Variants in FIP1L1 observed in about 807,000 individuals in gnomAD.
FIP1L1 encodes the protein factor interacting with PAPOLA and CPSF1.
Under a neutral mutation model 84.6 loss-of-function variants are expected in FIP1L1, and 21 were observed. The ratio of observed to expected loss-of-function variants is 0.25; its 90% CI spans 0.18 to 0.36. The LOEUF is 0.36. Among genes scored for constraint, FIP1L1 ranks in the 10% least tolerant of loss-of-function variants. The pLI, the probability that FIP1L1 is intolerant of heterozygous loss-of-function variation, is 1.00. For synonymous variants in FIP1L1, 263 were observed against 242.3 expected (o/e 1.09, Z -0.80); for missense variants, 526 against 751.1 (o/e 0.70, Z 3.50).
chr4:53,442,680 C>CTGG lies in FIP1L1; in HGVS notation c.1203_1204insGGT (p.Pro401_Pro402insGly), dbSNP rs1189653150. 2 of 1,605,820 alleles carry CTGG rather than the reference C, an allele frequency of 1.2e-6. No homozygotes were observed. Among genetic ancestry groups the CTGG allele is most frequent in the Non-Finnish European group, 1.7e-6 (2 of 1,172,858 alleles). ...TTTCCTCCTCCACCAGGCGCTCCAC[C>CTGG]TCCATCTCTTATACCAACAATAGAA... On this transcript the variant is annotated inframe_insertion, in exon 14 of 18. Coordinates refer to ENST00000337488, the MANE Select transcript of FIP1L1 (RefSeq NM_030917.4).
At position 53,459,869 on chromosome 4, in the gene FIP1L1, A is replaced by AGTC. The variant is rs762551077; in HGVS notation, c.*421_*423dup. 4.6e-5 allele frequency: 11 copies of AGTC among 238,272 alleles called. No homozygotes were observed. Among genetic ancestry groups the AGTC allele is most frequent in the African/African-American group, 1.1e-4 (5 of 44,920 alleles). 14.8% of individuals were successfully genotyped at this position (238,272 alleles called of 1,614,324 possible). ...CCCTCTAAGGCTTGAGATTAAAACT[A>AGTC]GTCTTTATCATTACTGCTGTGACAC... On this transcript the variant is annotated 3_prime_UTR_variant, in exon 18 of 18. Transcript: ENST00000337488.
At chr4:53,392,224 T>TTATATTGAA (rs1167801650) in intron 9 of FIP1L1, among the ~76,000 whole-genome samples, 1 of 152,242 alleles carries the variant, frequency 6.6e-6, no homozygotes, top group Non-Finnish European at 1.5e-5. Context: ...TAGTTGACTC[T>TTATATTGAA]TATATTGAAT....
rs186151086 is a variant in FIP1L1, at chr4:53,409,725, C to T, written c.816-4890C>T. Among the ~76,000 whole-genome samples, 28 of 152,352 alleles carry T rather than the reference C, an allele frequency of 1.8e-4. No individual in the cohort carries two copies. In the East Asian group the frequency reaches 4.4e-3, roughly 24 times the overall value. ...GCCCCTCCCCCAGCCTCGCTGCCAC[C>T]TGGCAGTTTGATCTCAGACTGCTGT... On this transcript the variant is annotated intron_variant, in intron 10 of 17. Transcript: ENST00000337488.
At chr4:53,401,680 C>A (rs1750342706) in intron 10 of FIP1L1, among the ~76,000 whole-genome samples, 1 of 152,022 alleles carries the variant, frequency 6.6e-6, no homozygotes, top group South Asian at 2.1e-4. Context: ...ATCAACTGAA[C>A]CAGAATGATG....
intron 3 of FIP1L1, among the ~76,000 whole-genome samples, chr4:53,380,714 T>C (rs1464790366): frequency 6.6e-6 from 1 of 152,230 alleles, no homozygotes; most frequent in East Asian, 1.9e-4. Flanking sequence ...TGTTATTTCA[T>C]TTTAAAATTT....
chr4:53,394,089 T>C (rs1745974035), intron 9 of FIP1L1, among the ~76,000 whole-genome samples: 2 of 152,138 alleles, frequency 1.3e-5, no homozygotes, highest in South Asian at 4.1e-4. Context: ...GTTGTTAATT[T>C]CCAAGAAAAT....
intron 10 of FIP1L1, among the ~76,000 whole-genome samples, chr4:53,412,037 A>C (rs1757469596): frequency 6.6e-6 from 1 of 152,144 alleles, no homozygotes; most frequent in South Asian, 2.1e-4. Flanking sequence ...GTCATTGAAA[A>C]AAATAAAGTT....
intron 10 of FIP1L1, among the ~76,000 whole-genome samples, chr4:53,405,277 A>G (rs988670451): frequency 1.3e-5 from 2 of 151,970 alleles, no homozygotes; most frequent in Non-Finnish European, 2.9e-5. Context: ...TCCTTTCCCC[A>G]TTGCTTGTTT....
At chr4:53,396,703 C>A (rs1362139419) in intron 9 of FIP1L1, among the ~76,000 whole-genome samples, 1 of 152,206 alleles carries the variant, frequency 6.6e-6, no homozygotes, top group Non-Finnish European at 1.5e-5. Flanking sequence ...CACGCCCAGC[C>A]TACAATTAGA....
chr4:53,450,558 G>A (rs1775957819), intron 15 of FIP1L1, among the ~76,000 whole-genome samples: 1 of 152,114 alleles, frequency 6.6e-6, no homozygotes, highest in African/African-American at 2.4e-5. Flanking sequence ...GGTGGCCTGC[G>A]CCTGTAATCC....
chr4:53,450,156 T>G (rs1280526161), intron 15 of FIP1L1, among the ~76,000 whole-genome samples: 1 of 152,188 alleles, frequency 6.6e-6, no homozygotes, highest in Non-Finnish European at 1.5e-5. Flanking sequence ...CATTAATTTT[T>G]ATTCTTTTCT....
intron 13 of FIP1L1, among the ~76,000 whole-genome samples, chr4:53,433,092 A>T (rs1403513425): frequency 6.6e-6 from 1 of 152,222 alleles, no homozygotes; most frequent in East Asian, 1.9e-4. Flanking sequence ...AACTGGAAGT[A>T]TTAATGTTAT....
At chr4:53,421,690 G>C (rs1185489590) in intron 11 of FIP1L1, among the ~76,000 whole-genome samples, 2 of 152,166 alleles carry the variant, frequency 1.3e-5, no homozygotes, top group Non-Finnish European at 2.9e-5. Flanking sequence ...CCTTCTGTGA[G>C]AAAACATTCA....
At position 53,451,230 on chromosome 4, in the gene FIP1L1, C is replaced by G. The variant is rs868764853; in HGVS notation, c.1286-1690C>G. Among the ~76,000 whole-genome samples, 8 of 151,980 alleles carry G rather than the reference C, an allele frequency of 5.3e-5. 1 individual carries two copies. In the Middle Eastern group the frequency reaches 0.01, roughly 195 times the overall value. ...AGGCAATCCGCCCACCTCTGCCTCC[C>G]AAAGTCCTGGGATTATAGGCATGAA... On this transcript the variant is annotated intron_variant, in intron 15 of 17. Transcript: ENST00000337488.
At chr4:53,452,228 A>T (rs1263947919) in intron 15 of FIP1L1, among the ~76,000 whole-genome samples, 1 of 151,672 alleles carries the variant, frequency 6.6e-6, no homozygotes, top group Admixed American at 6.6e-5. Flanking sequence ...AGTTTTGCTT[A>T]TTTTTTTGTT....
At chr4:53,422,146 A>G (rs1054762672) in intron 11 of FIP1L1, among the ~76,000 whole-genome samples, 18 of 152,158 alleles carry the variant, frequency 1.2e-4, no homozygotes, top group African/African-American at 4.1e-4. Flanking sequence ...TGAAAACATG[A>G]GATTGCAATC....
intron 5 of FIP1L1, among the ~76,000 whole-genome samples, chr4:53,389,132 T>C (rs79005019): frequency 4.6e-5 from 7 of 152,368 alleles, no homozygotes; most frequent in Non-Finnish European, 8.8e-5. Context: ...CGGCAAACAC[T>C]GTTCTGCTTT....
intron 7 of FIP1L1, 129 bp downstream of exon 7, chr4:53,390,757 A>T: frequency 1.5e-6 from 1 of 649,006 alleles, no homozygotes; most frequent in South Asian, 2.4e-5. Flanking sequence ...AATGATGAGT[A>T]ATAATGACTT....
chr4:53,382,021 A>G (rs1477324211), intron 3 of FIP1L1, among the ~76,000 whole-genome samples: 5 of 151,358 alleles, frequency 3.3e-5, no homozygotes, highest in Non-Finnish European at 5.9e-5. Flanking sequence ...CACCCACCTC[A>G]GCCTCTCAAA....
Sources: gnomAD v4.1 joint callset for allele counts (sites outside exome capture counted in the v4.1 genomes callset) on GRCh38, gnomAD v4.1.1 for gene constraint, MANE v1.5 for transcripts, NCBI Gene and HGNC (gene_info 2026-07-23, HGNC 2026-07-21) for gene names.